The following LRP1B variants were observed in gnomAD, a reference collection of about 807,000 sequenced individuals.
LRP1B encodes low-density lipoprotein receptor-related protein 1B.
A neutral mutation model predicts 556.6 loss-of-function variants in LRP1B; 217 were observed. That is an observed-to-expected ratio of 0.39 (90% confidence interval 0.35 to 0.44). The LOEUF (loss-of-function observed/expected upper bound fraction) is 0.44, where lower values mean the gene tolerates loss of function less well. LRP1B is among the 20% of genes least tolerant of loss of function. The pLI, the probability that LRP1B is intolerant of heterozygous loss-of-function variation, is 1.00. For missense variants in LRP1B, 5,053 were observed against 5,620.8 expected (o/e 0.90, Z 3.23); for synonymous variants, 2,047 against 1,865.8 (o/e 1.10, Z -2.50).
At chr2:140,679,459 A>G (rs1237687306) in intron 41 of LRP1B, among the ~76,000 whole-genome samples, 3 of 152,226 alleles carry the variant, frequency 2.0e-5, no homozygotes, top group Admixed American at 1.3e-4. Flanking sequence ...ATTTCAATGA[A>G]CTAATGTACA....
intron 3 of LRP1B, among the ~76,000 whole-genome samples, chr2:141,266,592 G>T (rs1684900324): frequency 6.6e-6 from 1 of 152,084 alleles, no homozygotes. Flanking sequence ...TGTTATGCCT[G>T]CAAGTTAAGA....
At chr2:141,974,054 A>G (rs1701817338) in intron 1 of LRP1B, among the ~76,000 whole-genome samples, 1 of 151,960 alleles carries the variant, frequency 6.6e-6, no homozygotes, top group Admixed American at 6.6e-5. Flanking sequence ...GATTACATCC[A>G]AGTTATGTTT....
At chr2:140,853,367 T>A (rs1005838475) in intron 27 of LRP1B, among the ~76,000 whole-genome samples, 1 of 152,158 alleles carries the variant, frequency 6.6e-6, no homozygotes, top group African/African-American at 2.4e-5. Context: ...TTTCTTCAGG[T>A]CTTTATTTCC....
chr2:140,556,034 A>G (rs1680719895), intron 43 of LRP1B, among the ~76,000 whole-genome samples: 1 of 152,160 alleles, frequency 6.6e-6, no homozygotes, highest in Non-Finnish European at 1.5e-5. Context: ...GATCATCTAC[A>G]AGATTTTCAA....
At chr2:142,030,049 A>T (rs908049368) in intron 1 of LRP1B, among the ~76,000 whole-genome samples, 1 of 142,276 alleles carries the variant, frequency 7.0e-6, no homozygotes, top group East Asian at 2.0e-4. Flanking sequence ...AAAAAAAAAA[A>T]CTCTGCAAGT....
intron 15 of LRP1B, among the ~76,000 whole-genome samples, chr2:141,001,386 A>G (rs1037343123): frequency 3.9e-5 from 6 of 151,944 alleles, no homozygotes; most frequent in African/African-American, 1.2e-4. Flanking sequence ...TTTGTTACAT[A>G]TGTATACAAG....
At chr2:141,064,218 A>C (rs1244669425) in intron 7 of LRP1B, among the ~76,000 whole-genome samples, 2 of 151,902 alleles carry the variant, frequency 1.3e-5, no homozygotes, top group East Asian at 3.9e-4. Context: ...TGGGTCAATC[A>C]CTTTACAAAG....
chr2:142,108,490 A>T (rs575331489), intron 1 of LRP1B, among the ~76,000 whole-genome samples: 1 of 152,328 alleles, frequency 6.6e-6, no homozygotes, highest in South Asian at 2.1e-4. Flanking sequence ...CTCTCATGGG[A>T]AAAGAAAAGT....
chr2:140,394,687 T>C (rs1684175437), intron 66 of LRP1B, among the ~76,000 whole-genome samples: 1 of 152,046 alleles, frequency 6.6e-6, no homozygotes, highest in East Asian at 1.9e-4. Flanking sequence ...TAGACAGCAA[T>C]ATGTCAAGCT....
chr2:141,762,342 C>T (rs1161249469), intron 2 of LRP1B, among the ~76,000 whole-genome samples: 1 of 151,870 alleles, frequency 6.6e-6, no homozygotes, highest in Non-Finnish European at 1.5e-5. Context: ...AGAAGAAAGT[C>T]CCTGTCCCCT....
chr2:141,294,573 A>T (rs1344472979), intron 3 of LRP1B, among the ~76,000 whole-genome samples: 1 of 151,828 alleles, frequency 6.6e-6, no homozygotes, highest in Non-Finnish European at 1.5e-5. Context: ...AAAAAAAATA[A>T]AGTAAAATAA....
chr2:140,974,557 G>A (rs1416319603), intron 18 of LRP1B, among the ~76,000 whole-genome samples: 1 of 152,136 alleles, frequency 6.6e-6, no homozygotes, highest in Non-Finnish European at 1.5e-5. Context: ...GTATATGTTT[G>A]TACTAGTAGG....
chr2:141,789,860 T>C (rs1695553898), intron 2 of LRP1B, among the ~76,000 whole-genome samples: 1 of 152,030 alleles, frequency 6.6e-6, no homozygotes, highest in Non-Finnish European at 1.5e-5. Context: ...AAGTGTCTTC[T>C]ACTTAGAGGA....
At chr2:141,006,171 G>A (rs993431328) in intron 14 of LRP1B, among the ~76,000 whole-genome samples, 3 of 151,942 alleles carry the variant, frequency 2.0e-5, no homozygotes, top group Non-Finnish European at 2.9e-5. Flanking sequence ...TTTTTAAATC[G>A]ACAAGTAACA....
chr2:141,467,104 A>ATATATATATATATATATATATG (rs1559086472), intron 3 of LRP1B, among the ~76,000 whole-genome samples: 3 of 5,748 alleles, frequency 5.2e-4, no homozygotes, highest in African/African-American at 6.6e-4. Flanking sequence ...ATATATGTGT[A>ATATATATATATATATATATATG]TATATATATA....
At chr2:141,722,172 G>T (rs961750919) in intron 2 of LRP1B, among the ~76,000 whole-genome samples, 2 of 152,174 alleles carry the variant, frequency 1.3e-5, no homozygotes, top group African/African-American at 4.8e-5. Flanking sequence ...GATGTCAGGA[G>T]TTCGAGGCCA....
intron 1 of LRP1B, among the ~76,000 whole-genome samples, chr2:141,900,445 A>G (rs972469353): frequency 6.6e-5 from 10 of 152,080 alleles, no homozygotes; most frequent in African/African-American, 2.4e-4. Flanking sequence ...TTTTTGAAAT[A>G]TATCTTTACC....
chr2:141,612,138 G>T (rs1390968054), intron 2 of LRP1B, among the ~76,000 whole-genome samples: 3 of 152,164 alleles, frequency 2.0e-5, no homozygotes, highest in Non-Finnish European at 4.4e-5. Context: ...TTAAATGACT[G>T]CTTCAGAATT....
chr2:140,846,552 C>T (rs1337451570), intron 29 of LRP1B, among the ~76,000 whole-genome samples: 1 of 151,748 alleles, frequency 6.6e-6, no homozygotes, highest in East Asian at 1.9e-4. Flanking sequence ...AGCAAAACTA[C>T]TTCTAAAATA....
Sources: gnomAD v4.1 joint callset for allele counts (sites outside exome capture counted in the v4.1 genomes callset) on GRCh38, gnomAD v4.1.1 for gene constraint, MANE v1.5 for transcripts, NCBI Gene and HGNC (gene_info 2026-07-23, HGNC 2026-07-21) for gene names.